Variants in ALDH3A1 observed in about 807,000 individuals in gnomAD.
The protein encoded by ALDH3A1 is aldehyde dehydrogenase, dimeric NADP-preferring.
Under a neutral mutation model 49.9 loss-of-function variants are expected in ALDH3A1, and 46 were observed. The ratio of observed to expected loss-of-function variants is 0.92; its 90% CI spans 0.73 to 1.18. The LOEUF (loss-of-function observed/expected upper bound fraction) is 1.18. ALDH3A1 is among the 50% of genes most tolerant of loss of function. The pLI, the probability that ALDH3A1 is intolerant of heterozygous loss-of-function variation, is 0.00. For missense variants in ALDH3A1, 592 were observed against 611.8 expected (o/e 0.97, Z 0.34); for synonymous variants, 269 against 253.3 (o/e 1.06, Z -0.59).
At chr17:19,747,019 G>A (rs1567657715) in intron 1 of ALDH3A1, among the ~76,000 whole-genome samples, 1 of 152,034 alleles carries the variant, frequency 6.6e-6, no homozygotes, top group Admixed American at 6.5e-5. Flanking sequence ...CCCCACAGAG[G>A]GGCCACTGTT....
chr17:19,745,913 G>A (rs2086589143), intron 1 of ALDH3A1, among the ~76,000 whole-genome samples: 1 of 152,224 alleles, frequency 6.6e-6, no homozygotes, highest in Admixed American at 6.5e-5. Context: ...CTATAACAGG[G>A]AAGTATTGTA....
chr17:19,747,838 T>C (rs1468239371), intron 1 of ALDH3A1: 1 of 155,958 alleles, frequency 6.4e-6, no homozygotes, highest in Non-Finnish European at 1.4e-5. Flanking sequence ...GAAACGGTTA[T>C]GAGTGCATTT....
chr17:19,742,798 C>A (rs7216299), intron 3 of ALDH3A1, 168 bp from the exon 4 acceptor site: 3 of 1,535,204 alleles, frequency 2.0e-6, no homozygotes, highest in Non-Finnish European at 2.6e-6. Flanking sequence ...GGAGCACGCA[C>A]GGGCACATGA....
intron 3 of ALDH3A1, 68 bp from the exon 4 acceptor site, chr17:19,742,698 C>A (rs1371415585): frequency 6.2e-7 from 1 of 1,609,352 alleles, no homozygotes; most frequent in South Asian, 1.1e-5. Context: ...TCCCAAGGAC[C>A]ACACCTGAAG....
Position 19,742,058 on chromosome 17 carries a change from C to T in ALDH3A1, c.635G>A (p.Gly212Glu). 1 of 1,614,008 alleles carries T rather than the reference C, an allele frequency of 6.2e-7. No individual in the cohort carries two copies. Among genetic ancestry groups the T allele is most frequent in the South Asian group, 1.1e-5 (1 of 91,086 alleles). Residue 212 changes from glycine to glutamate, a missense_variant, in exon 5 of 11, where the codon GGA (glycine) becomes GAA (glutamate). Physicochemically the swap from Gly to Glu is moderately conservative, Grantham distance 98. Coordinates refer to ENST00000225740, the MANE Select transcript of ALDH3A1 (RefSeq NM_000691.5). ...GTCCACGTAGCAGGGACTCTTCCCT[C>T]CCAGCTCCAGCGTGACAGGGGTCAG... is the stretch of plus-strand genomic sequence containing the variant. ...KHLTPVTLEL[G>E]GKSPCYVDKN... is the part of the protein sequence containing the mutation.
In ALDH3A1 at chr17:19,743,923, G is replaced by A. The variant is rs1437068987; in HGVS notation, c.163-460C>T. On this transcript the variant is annotated intron_variant, in intron 2 of 10. Transcript: ENST00000225740. The surrounding 1 kb of genome is among the most constrained non-coding windows in gnomAD (Gnocchi z 4.4). ...GGAGGGGGATGCAGGACCAAGGGCT[G>A]CTGGGCGCTCAGGGCCTCCTGTGGG... 1.0e-6 allele frequency: 1 copy of A among 985,228 alleles called. No individual in the cohort carries two copies. The highest frequency in any genetic ancestry group is 6.2e-5 in the Admixed American group (1 of 16,256). The allele number at this position is 985,228 out of a possible 1,614,324, so 61.0% of individuals were successfully genotyped here.
In ALDH3A1 at chr17:19,742,692, A is replaced by G. The variant is rs117306414; in HGVS notation, c.395-62T>C. 1.8e-3 allele frequency: 2,971 copies of G among 1,611,140 alleles called. 67 individuals carry two copies. The East Asian group carries it at 0.05, about 27-fold the overall frequency. On this transcript the variant is annotated intron_variant, in intron 3 of 10. Transcript: ENST00000225740. ...ACTTCACCAGAGGCTCTGCCCTCCC[A>G]AGGACCACACCTGAAGCCTCCCCTC...
chr17:19,746,644 C>T lies in ALDH3A1; in HGVS notation c.-5-1510G>A, dbSNP rs534981436. ...GTGTGCGTGTGTGTGTGTGCGTGTG[C>T]GTGTGTGTGCATGTGTGTGTGTGCG... On this transcript the variant is annotated intron_variant, in intron 1 of 10. Coordinates refer to ENST00000225740, the MANE Select transcript of ALDH3A1 (RefSeq NM_000691.5). Among the ~76,000 whole-genome samples the T allele has an allele frequency of 9.7e-4, 140 of 144,030 alleles. 1 individual carries two copies. Among genetic ancestry groups the T allele is most frequent in the Non-Finnish European group, 1.7e-3 (114 of 66,062 alleles). The allele number at this position is 144,030 out of a possible 152,430, so 94.5% of individuals were successfully genotyped here.
At chr17:19,744,901 G>GGCCCCCCCCCCCC in intron 2 of ALDH3A1, 67 bp downstream of exon 2, 3 of 434,632 alleles carry the variant, frequency 6.9e-6, no homozygotes, top group Non-Finnish European at 9.6e-6. Context: ...ACTCTCCCCA[G>GGCCCCCCCCCCCC]CCCCTCCCCC....
rs1447182709 is a variant in ALDH3A1, at chr17:19,743,280, A to G, written c.346T>C (p.Tyr116His). ...GGCTGGATGGTGAGGTTGAAGGGGT[A>G]GTTCCAGGTGCCAATGACGAGGACC... ...GVVLVIGTWN[Y>H]PFNLTIQPMV... The change falls in exon 3 of 11, where the codon TAC (tyrosine) becomes CAC (histidine). Residue 116 changes from tyrosine to histidine, a missense_variant. By Grantham distance (83) the Tyr-to-His change is moderately conservative (BLOSUM62 2). Transcript: ENST00000225740. The surrounding 1 kb of genome is among the most constrained non-coding windows in gnomAD (Gnocchi z 4.4). 6 of 1,613,924 alleles carry G rather than the reference A, an allele frequency of 3.7e-6. No homozygotes were observed. Among genetic ancestry groups the G allele is most frequent in the Non-Finnish European group, 5.1e-6 (6 of 1,180,008 alleles).
In ALDH3A1 at chr17:19,741,156, G is replaced by A. The variant is rs2086484183; in HGVS notation, c.744C>T (p.Asp248=). The change falls in exon 6 of 11, where the codon GAC becomes GAT. Residue 248 remains aspartate (D), a synonymous_variant. Transcript: ENST00000225740. ...MNSGQTCVAP[D]YILCDPSIQN... ...GGATCGAGGGGTCACAGAGGATGTA[G>A]TCAGGGGCCACGCAGGTCTGGCCAC... 1 of 1,614,036 alleles carries A rather than the reference G, an allele frequency of 6.2e-7. No individual in the cohort carries two copies. The highest frequency in any genetic ancestry group is 1.1e-5 in the South Asian group (1 of 91,082).
rs1425727671 is a variant in ALDH3A1, at chr17:19,743,126, C to T, written c.394+106G>A. ...GCCTCCTGTGACAGACCCAGCAAAC[C>T]CTTATCTGACCCCAGGACTCTTAAC... On this transcript the variant is annotated intron_variant, in intron 3 of 10. Coordinates refer to ENST00000225740, the MANE Select transcript of ALDH3A1 (RefSeq NM_000691.5). The surrounding 1 kb of genome is among the most constrained non-coding windows in gnomAD (Gnocchi z 4.4). The T allele has an allele frequency of 1.3e-6, 2 of 1,547,384 alleles. No individual in the cohort carries two copies. Among genetic ancestry groups the T allele is most frequent in the African/African-American group, 2.7e-5 (2 of 73,264 alleles).
chr17:19,745,998 A>G (rs2152376398), intron 1 of ALDH3A1, among the ~76,000 whole-genome samples: 1 of 152,336 alleles, frequency 6.6e-6, no homozygotes, highest in Non-Finnish European at 1.5e-5. Flanking sequence ...TTTACTGTGC[A>G]GTATTTAGGG....
chr17:19,742,162 G>A lies in ALDH3A1; in HGVS notation c.531C>T (p.Leu177=). 6.2e-7 allele frequency: 1 copy of A among 1,614,038 alleles called. No individual in the cohort carries two copies. Among genetic ancestry groups the A allele is most frequent in the South Asian group, 1.1e-5 (1 of 91,070 alleles). Reference sequence around the variant, plus strand: ...ACAGGATATGGTCGAACCTCTCCTTGAGCAGCTCCGTGGTCTCAGGGACAC... The same window carrying A: ...ACAGGATATGGTCGAACCTCTCCTTAAGCAGCTCCGTGGTCTCAGGGACAC... ...NGGVPETTEL[L]KERFDHILYT... is the part of the protein sequence containing the mutation. Residue 177 remains leucine (L), a synonymous_variant, in exon 5 of 11, where the codon CTC becomes CTT. Transcript: ENST00000225740.
In ALDH3A1 at chr17:19,738,419, C is replaced by T. The variant is rs1326174749; in HGVS notation, c.1251G>A (p.Lys417=). The T allele has an allele frequency of 6.2e-7, 1 of 1,613,566 alleles. No individual in the cohort carries two copies. The highest frequency in any genetic ancestry group is 1.7e-5 in the Admixed American group (1 of 60,002). The change falls in exon 10 of 11, where the codon AAG becomes AAA. Residue 417 remains lysine, a synonymous_variant. Coordinates refer to ENST00000225740, the MANE Select transcript of ALDH3A1 (RefSeq NM_000691.5). The part of the protein sequence containing the change: ...NSGMGSYHGK[K]SFETFSHRRS... The stretch of plus-strand genomic sequence containing the variant: ...GGCGGTGAGAGAAAGTCTCGAAGCT[C>T]TTCTTGCCATGGTAGGATCCCATGC...
chr17:19,744,907 C>CCT lies in ALDH3A1; in HGVS notation c.162+60_162+61insAG, dbSNP rs1555546880. On this transcript the variant is annotated intron_variant, in intron 2 of 10. Coordinates refer to ENST00000225740, the MANE Select transcript of ALDH3A1 (RefSeq NM_000691.5). ...CTGGGTCGCACTCTCCCCAGCCCCT[C>CCT]CCCCCACGCCCCATCGCATGGCCCC... The CCT allele has an allele frequency of 3.0e-5, 24 of 813,418 alleles. 2 individuals carry two copies. Among genetic ancestry groups the CCT allele is most frequent in the Non-Finnish European group, 3.9e-5 (24 of 610,646 alleles). The allele number at this position is 813,418 out of a possible 1,614,324, so 50.4% of individuals were successfully genotyped here. A position where few individuals can be genotyped will look rare whatever the true frequency, so the allele number is the denominator to read the frequency against.
At position 19,740,398 on chromosome 17, in the gene ALDH3A1, C is replaced by T. The variant is rs375946144; in HGVS notation, c.887G>A (p.Gly296Asp). 10 of 1,614,158 alleles carry T rather than the reference C, an allele frequency of 6.2e-6. No individual in the cohort carries two copies. In the African/African-American group the frequency reaches 1.3e-4, roughly 22 times the overall value. ...AGCCACCTTCTGGCCCTCAATCAGG[C>T]CCATCACCCTCTGGAAGTGCCGGGC... ...ISARHFQRVMGLIEGQKVAYG... is the reference protein window; with the variant it reads ...ISARHFQRVMDLIEGQKVAYG... The change falls in exon 7 of 11, where the codon GGC becomes GAC. Residue 296 changes from glycine (G) to aspartate (D), a missense_variant. Coordinates refer to ENST00000225740, the MANE Select transcript of ALDH3A1 (RefSeq NM_000691.5).
In ALDH3A1 at chr17:19,738,311, T is replaced by TC. The variant is rs2086423854; in HGVS notation, c.1347+11dup. 1 of 1,613,010 alleles carries TC rather than the reference T, an allele frequency of 6.2e-7. No homozygotes were observed. The highest frequency in any genetic ancestry group is 8.5e-7 in the Non-Finnish European group (1 of 1,179,356). On this transcript the variant is annotated intron_variant, in intron 10 of 10. Coordinates refer to ENST00000225740, the MANE Select transcript of ALDH3A1 (RefSeq NM_000691.5). The stretch of plus-strand genomic sequence containing the variant: ...CAGCCCGGTCTCCCCCACAGCGCCT[T>TC]CCCCCTCTCACCTTGGCCGGGCTCG...
rs375380124 is a variant in ALDH3A1 at position 19,738,390 on chromosome 17, G to T, written c.1280C>A (p.Ser427Tyr). 3 of 1,613,838 alleles carry T rather than the reference G, an allele frequency of 1.9e-6. No individual in the cohort carries two copies. The African/African-American group carries it at 4.0e-5, about 21-fold the overall frequency. Residue 427 changes from serine to tyrosine, a missense_variant, in exon 10 of 11, where the codon TCT becomes TAT. By Grantham distance (144) the Ser-to-Tyr change is moderately radical (BLOSUM62 -2). Transcript: ENST00000225740. Reference sequence around the variant, plus strand: ...ATTCATCAGAGGCCTCACCAGGCAAGAGCGGCGGTGAGAGAAAGTCTCGAA... The same window carrying T: ...ATTCATCAGAGGCCTCACCAGGCAATAGCGGCGGTGAGAGAAAGTCTCGAA... ...KSFETFSHRR[S>Y]CLVRPLMNDE...
Sources: gnomAD v4.1 joint callset for allele counts (sites outside exome capture counted in the v4.1 genomes callset) on GRCh38, gnomAD v4.1.1 for gene constraint, Gnocchi (gnomAD v3.1) non-coding constraint, MANE v1.5 for transcripts, NCBI Gene and HGNC (gene_info 2026-07-23, HGNC 2026-07-21) for gene names.